TMEM131: variants seen among roughly 807,000 people sequenced by gnomAD.
TMEM131 encodes 2610524E03Rik.
A neutral mutation model predicts 211.6 loss-of-function variants in TMEM131; 66 were observed. The observed-to-expected ratio is 0.31, with a 90% CI of 0.26 to 0.38. The LOEUF is 0.38. TMEM131 is among the 10% of genes least tolerant of loss of function. The probability of loss-of-function intolerance (pLI) is 1.00; values close to 1 mark genes in which losing one functional copy is unlikely to be tolerated. For missense variants in TMEM131, 2,036 were observed against 2,299.3 expected (o/e 0.89, Z 2.34); for synonymous variants, 844 against 841.3 (o/e 1.00, Z -0.06).
chr2:97,877,085 T>A (rs1296749901), intron 4 of TMEM131, among the ~76,000 whole-genome samples: 1 of 152,196 alleles, frequency 6.6e-6, no homozygotes, highest in Non-Finnish European at 1.5e-5. Context: ...AGCCAAATCA[T>A]GAGTAACTCC....
chr2:97,918,327 T>A (rs1383820660), intron 2 of TMEM131, among the ~76,000 whole-genome samples: 1 of 152,192 alleles, frequency 6.6e-6, no homozygotes, highest in African/African-American at 2.4e-5. Context: ...AAGGGACTCA[T>A]GAATAACAAA....
chr2:97,981,858 C>G (rs1451142997), intron 1 of TMEM131, among the ~76,000 whole-genome samples: 3 of 152,118 alleles, frequency 2.0e-5, no homozygotes, highest in Non-Finnish European at 4.4e-5. Flanking sequence ...TTTCAAGGTT[C>G]ACCTGTGTTG....
chr2:97,927,615 A>G, intron 1 of TMEM131, 128 bp from the exon 2 acceptor site: 1 of 607,652 alleles, frequency 1.6e-6, no homozygotes, highest in Non-Finnish European at 2.5e-6. Context: ...TGATGGTTGA[A>G]AAGAAAAATA....
chr2:97,777,610 TA>T (rs1180466105), intron 31 of TMEM131, among the ~76,000 whole-genome samples: 1 of 152,248 alleles, frequency 6.6e-6, no homozygotes, highest in Non-Finnish European at 1.5e-5. Context: ...AAAGAGTAAG[TA>T]AATCGCTTAG....
chr2:97,921,561 C>A (rs1450469155), intron 2 of TMEM131, among the ~76,000 whole-genome samples: 1 of 152,136 alleles, frequency 6.6e-6, no homozygotes, highest in Non-Finnish European at 1.5e-5. Flanking sequence ...GCCAAAAGGG[C>A]AATCCATCCA....
At position 97,792,808 on chromosome 2, in the gene TMEM131, G is replaced by A; in HGVS notation, c.3722C>T (p.Ser1241Leu). 1 of 1,614,006 alleles carries A rather than the reference G, an allele frequency of 6.2e-7. No individual in the cohort carries two copies. Among genetic ancestry groups the A allele is most frequent in the South Asian group, 1.1e-5 (1 of 91,080 alleles). Residue 1241 changes from serine to leucine, a missense_variant, in exon 31 of 41, where the codon TCA becomes TTA. Physicochemically the swap from Ser to Leu is moderately radical, Grantham distance 145. Coordinates refer to ENST00000186436, the MANE Select transcript of TMEM131 (RefSeq NM_015348.2). ...DVENVRAKNS[S>L]STSSRTSAQA... is the part of the protein sequence containing the mutation. The stretch of plus-strand genomic sequence containing the variant: ...AGCAGAAGTCCTACTAGAGGTACTT[G>A]AACTGTTTTTGGCTCTGACGTTTTC...
In TMEM131 at chr2:97,792,683, C is replaced by T; in HGVS notation, c.3847G>A (p.Ala1283Thr). The T allele has an allele frequency of 1.9e-6, 3 of 1,613,998 alleles. No individual in the cohort carries two copies. The highest frequency in any genetic ancestry group is 2.5e-6 in the Non-Finnish European group (3 of 1,179,888). The change falls in exon 31 of 41, where the codon GCA becomes ACA. Residue 1283 changes from alanine (A) to threonine (T), a missense_variant. Around this residue, in one of 3 missense-constraint regions of TMEM131, gnomAD observed 1,623 missense variants for 1,805.9 expected, o/e 0.90. Transcript: ENST00000186436. ...TGGCTGCCGTGCTGGCTCTGCTTTG[C>T]CCCTTTGGACTTTCTGCCCGCTGTA... Reference protein sequence around the residue: ...GHTAGRKSKGAKQSQHGSQHH... With the variant: ...GHTAGRKSKGTKQSQHGSQHH...
chr2:97,841,885 G>A lies in TMEM131; in HGVS notation c.653C>T (p.Ala218Val). 6.3e-7 allele frequency: 1 copy of A among 1,596,804 alleles called. No individual in the cohort carries two copies. Among genetic ancestry groups the A allele is most frequent in the Non-Finnish European group, 8.5e-7 (1 of 1,170,668 alleles). Reference sequence around the variant, plus strand: ...GAAACTGCTATTCACAGGGACTCTGGCCCCAAGGAACGGCCTCAATCGATA... The same window carrying A: ...GAAACTGCTATTCACAGGGACTCTGACCCCAAGGAACGGCCTCAATCGATA... Reference protein sequence around the residue: ...NPYRLRPFLGARVPVNSSFSP... With the variant: ...NPYRLRPFLGVRVPVNSSFSP... Residue 218 changes from alanine to valine, a missense_variant, in exon 7 of 41, where the codon GCC becomes GTC. Ala to Val is a moderately conservative substitution (Grantham distance 64). Around this residue, in one of 3 missense-constraint regions of TMEM131, gnomAD observed 277 missense variants for 378.0 expected, o/e 0.73. Coordinates refer to ENST00000186436, the MANE Select transcript of TMEM131 (RefSeq NM_015348.2).
At chr2:97,795,258 A>G (rs961021347) in intron 28 of TMEM131, 143 bp from the exon 29 acceptor site, 1 of 562,004 alleles carries the variant, frequency 1.8e-6, no homozygotes, top group Non-Finnish European at 3.0e-6. Flanking sequence ...TTTTAAGATG[A>G]AAAAAGTATT....
chr2:97,985,206 C>A (rs989922925), intron 1 of TMEM131, among the ~76,000 whole-genome samples: 1 of 151,996 alleles, frequency 6.6e-6, no homozygotes, highest in Non-Finnish European at 1.5e-5. Flanking sequence ...CATAAGGATG[C>A]CTGCTTTTTC....
intron 1 of TMEM131, among the ~76,000 whole-genome samples, chr2:97,949,804 A>G (rs559526785): frequency 8.5e-6 from 1 of 117,862 alleles, no homozygotes; most frequent in African/African-American, 3.5e-5. Flanking sequence ...TGGGCGACAG[A>G]GTGAGACTGT....
chr2:97,844,848 A>C (rs939604470), intron 5 of TMEM131, among the ~76,000 whole-genome samples: 1 of 152,176 alleles, frequency 6.6e-6, no homozygotes, highest in Non-Finnish European at 1.5e-5. Flanking sequence ...TCCCATGTTC[A>C]AGAGACTGAA....
At position 97,757,142 on chromosome 2, in the gene TMEM131, C is replaced by G; in HGVS notation, c.5609G>C (p.Ser1870Thr). Residue 1870 changes from serine to threonine, a missense_variant, in exon 41 of 41, where the codon AGC becomes ACC. Coordinates refer to ENST00000186436, the MANE Select transcript of TMEM131 (RefSeq NM_015348.2). Reference protein sequence around the residue: ...RIWSPTIGRRSSDPWSNSHFP... With the variant: ...RIWSPTIGRRTSDPWSNSHFP... Reference sequence around the variant, plus strand: ...GTGCGAATTAGACCAAGGGTCCGAGCTTCTTCTTCCAATCGTGGGGCTCCA... The same window carrying G: ...GTGCGAATTAGACCAAGGGTCCGAGGTTCTTCTTCCAATCGTGGGGCTCCA... The G allele has an allele frequency of 2.5e-6, 4 of 1,612,716 alleles. No homozygotes were observed. The highest frequency in any genetic ancestry group is 2.5e-6 in the Non-Finnish European group (3 of 1,179,068).
intron 25 of TMEM131, among the ~76,000 whole-genome samples, chr2:97,800,759 GA>G (rs962103432): frequency 4.2e-4 from 60 of 142,330 alleles, no homozygotes; most frequent in Admixed American, 6.3e-4. Flanking sequence ...TGTCTCAGAA[GA>G]AAAAAAAAAA....
Position 97,995,809 on chromosome 2 carries a change from G to T in TMEM131, c.-147C>A. 1 of 394,098 alleles carries T rather than the reference G, an allele frequency of 2.5e-6. No homozygotes were observed. The highest frequency in any genetic ancestry group is 3.9e-6 in the Non-Finnish European group (1 of 257,312). The allele number at this position is 394,098 out of a possible 1,614,324, so 24.4% of individuals were successfully genotyped here. On this transcript the variant is annotated 5_prime_UTR_variant, in exon 1 of 41. Transcript: ENST00000186436. The stretch of plus-strand genomic sequence containing the variant: ...GCCCGGGGCTCGATCTCCGAGCGTG[G>T]GCCTGGGTCCGTGCGTGCGTGTGAG...
At chr2:97,784,620 T>C (rs960100225) in intron 31 of TMEM131, among the ~76,000 whole-genome samples, 1 of 151,986 alleles carries the variant, frequency 6.6e-6, no homozygotes, top group Non-Finnish European at 1.5e-5. Flanking sequence ...AGGAAATTTA[T>C]AGCACTAAAA....
intron 1 of TMEM131, among the ~76,000 whole-genome samples, chr2:97,953,055 G>T (rs1443684831): frequency 6.6e-6 from 1 of 152,110 alleles, no homozygotes; most frequent in Non-Finnish European, 1.5e-5. Flanking sequence ...TCTTCAAAAA[G>T]AAAGAAAATA....
chr2:97,794,061 T>A (rs1680641501), intron 29 of TMEM131, among the ~76,000 whole-genome samples: 1 of 151,256 alleles, frequency 6.6e-6, no homozygotes, highest in African/African-American at 2.4e-5. Context: ...CATCAGTTTT[T>A]CTCTTTCTTT....
intron 1 of TMEM131, among the ~76,000 whole-genome samples, chr2:97,954,937 T>C (rs1003971106): frequency 1.3e-5 from 2 of 151,758 alleles, no homozygotes; most frequent in South Asian, 2.1e-4. Flanking sequence ...TTACATAATC[T>C]AGTTTAAAAA....
Sources: gnomAD v4.1 joint callset for allele counts (sites outside exome capture counted in the v4.1 genomes callset) on GRCh38, gnomAD v4.1.1 for gene constraint, gnomAD v4.1.1 regional missense constraint, MANE v1.5 for transcripts, NCBI Gene and HGNC (gene_info 2026-07-23, HGNC 2026-07-21) for gene names.